Variants in FRMD6 observed in about 807,000 individuals in gnomAD.
FRMD6 encodes the protein FERM domain containing 6, also known as FERM domain-containing protein 6.
In FRMD6, 37 loss-of-function variants were observed where a neutral mutation model predicts 73.2. The ratio of observed to expected loss-of-function variants is 0.51; its 90% CI spans 0.39 to 0.66. The LOEUF (loss-of-function observed/expected upper bound fraction) is 0.66. Among genes scored for constraint, FRMD6 ranks in the 30% least tolerant of loss-of-function variants. The probability of loss-of-function intolerance (pLI) is 0.00; values close to 1 mark genes in which losing one functional copy is unlikely to be tolerated. For missense variants in FRMD6, 714 were observed against 780.5 expected (o/e 0.91, Z 1.02); for synonymous variants, 273 against 282.2 (o/e 0.97, Z 0.33).
At chr14:51,630,671 CAGG>C in intron 2 of FRMD6, among the ~76,000 whole-genome samples, 1 of 152,178 alleles carries the variant, frequency 6.6e-6, no homozygotes, top group East Asian at 1.9e-4. Flanking sequence ...CATTTGAGCC[CAGG>C]AGGTCAAGGC....
intron 1 of FRMD6, among the ~76,000 whole-genome samples, chr14:51,564,479 A>G (rs1887667541): frequency 6.6e-6 from 1 of 152,188 alleles, no homozygotes; most frequent in Non-Finnish European, 1.5e-5. Context: ...AGCGACCTGA[A>G]GGGACCCAGG....
At chr14:51,536,898 G>T (rs1003561536) in intron 1 of FRMD6, among the ~76,000 whole-genome samples, 1 of 152,028 alleles carries the variant, frequency 6.6e-6, no homozygotes, top group Admixed American at 6.6e-5. Flanking sequence ...GCAGCTTTAG[G>T]TTCACAGGAA....
chr14:51,657,623 G>A (rs1415176981), intron 1 of FRMD6, among the ~76,000 whole-genome samples: 2 of 152,160 alleles, frequency 1.3e-5, no homozygotes, highest in African/African-American at 4.8e-5. Flanking sequence ...GTAGTTTGAG[G>A]ACAGTACATG....
At chr14:51,458,709 TGGGGTGAGCAAA>T in the FRMD6 span, among the ~76,000 whole-genome samples, 1 of 152,200 alleles carries the variant, frequency 6.6e-6, no homozygotes, top group African/African-American at 2.4e-5. Flanking sequence ...GGACTGGTGT[TGGGGTGAGCAAA>T]GGGTGAATCA....
the FRMD6 span, among the ~76,000 whole-genome samples, chr14:51,478,664 GAATA>G: frequency 6.6e-6 from 1 of 152,098 alleles, no homozygotes; most frequent in Non-Finnish European, 1.5e-5. Flanking sequence ...ATGAAGAATG[GAATA>G]AATAATTATA....
intron 1 of FRMD6, among the ~76,000 whole-genome samples, chr14:51,528,430 C>T (rs1885384930): frequency 1.3e-5 from 2 of 152,120 alleles, no homozygotes. Context: ...GCTTTTTGGG[C>T]TCCCACAACT....
At chr14:51,430,586 T>C in the FRMD6 span, among the ~76,000 whole-genome samples, 1 of 150,504 alleles carries the variant, frequency 6.6e-6, no homozygotes, top group East Asian at 2.0e-4. Context: ...AAACTCTACA[T>C]GCCACAGGGA....
intron 11 of FRMD6, among the ~76,000 whole-genome samples, 196 bp from the exon 12 acceptor site, chr14:51,721,753 A>AGGAAGGAAGGAAGGAGGGAAGGAG (rs1566598530): frequency 9.2e-6 from 1 of 108,706 alleles, no homozygotes; most frequent in Admixed American, 8.8e-5. Flanking sequence ...GAAGGGAGGA[A>AGGAAGGAAGGAAGGAGGGAAGGAG]GGAAGGAGGG....
chr14:51,531,957 G>A (rs1885606220), intron 1 of FRMD6, among the ~76,000 whole-genome samples: 1 of 152,148 alleles, frequency 6.6e-6, no homozygotes, highest in South Asian at 2.1e-4. Context: ...TATTATATCA[G>A]TAAAATTTAT....
chr14:51,691,512 A>G (rs1895563129), intron 2 of FRMD6, among the ~76,000 whole-genome samples: 1 of 151,994 alleles, frequency 6.6e-6, no homozygotes, highest in African/African-American at 2.4e-5. Context: ...GAATTAGAGG[A>G]AAAAATTGCC....
chr14:51,469,388 C>A, the FRMD6 span, among the ~76,000 whole-genome samples: 2 of 149,870 alleles, frequency 1.3e-5, no homozygotes, highest in Non-Finnish European at 3.0e-5. Flanking sequence ...CCGAGGCGGG[C>A]GGATCACGAG....
chr14:51,721,289 A>G (rs1284202157), intron 11 of FRMD6, among the ~76,000 whole-genome samples: 1 of 152,202 alleles, frequency 6.6e-6, no homozygotes, highest in East Asian at 1.9e-4. Context: ...GTATTAAAAC[A>G]CATATAGGTA....
At chr14:51,601,652 A>G (rs1409138495) in intron 2 of FRMD6, among the ~76,000 whole-genome samples, 1 of 152,214 alleles carries the variant, frequency 6.6e-6, no homozygotes, top group African/African-American at 2.4e-5. Flanking sequence ...TTTATGCACA[A>G]GTAAAACCAT....
chr14:51,413,847 C>T, the FRMD6 span, among the ~76,000 whole-genome samples: 1 of 152,184 alleles, frequency 6.6e-6, no homozygotes, highest in Non-Finnish European at 1.5e-5. Context: ...TAATGATCGC[C>T]ATTCTAACTG....
intron 2 of FRMD6, among the ~76,000 whole-genome samples, chr14:51,631,745 C>G (rs751464577): frequency 2.0e-5 from 3 of 152,168 alleles, no homozygotes; most frequent in Non-Finnish European, 4.4e-5. Flanking sequence ...GTAGATTTTA[C>G]TCAGCTCGTA....
At chr14:51,436,384 T>A in the FRMD6 span, 1 of 450,484 alleles carries the variant, frequency 2.2e-6, no homozygotes. Flanking sequence ...GAAGAGGCAG[T>A]GCATTACTTG....
At chr14:51,646,114 C>T (rs180868571) in intron 2 of FRMD6, among the ~76,000 whole-genome samples, 138 of 151,702 alleles carry the variant, frequency 9.1e-4, no homozygotes, top group Non-Finnish European at 1.1e-3. Flanking sequence ...GTCAGGAGAT[C>T]GACACAATCC....
At chr14:51,560,526 C>T (rs531221666) in intron 1 of FRMD6, among the ~76,000 whole-genome samples, 2 of 152,236 alleles carry the variant, frequency 1.3e-5, no homozygotes, top group East Asian at 3.9e-4. Context: ...CTCTTGTTGC[C>T]CAGGCTGGTG....
intron 6 of FRMD6, among the ~76,000 whole-genome samples, chr14:51,705,586 T>TGAGAAAGAAAGTGGGGA (rs1896578887): frequency 6.6e-6 from 1 of 152,120 alleles, no homozygotes; most frequent in African/African-American, 2.4e-5. Flanking sequence ...CACCCATCCT[T>TGAGAAAGAAAGTGGGGA]GAGAAAGAAA....
Sources: gnomAD v4.1 joint callset for allele counts (sites outside exome capture counted in the v4.1 genomes callset) on GRCh38, gnomAD v4.1.1 for gene constraint, MANE v1.5 for transcripts, NCBI Gene and HGNC (gene_info 2026-07-23, HGNC 2026-07-21) for gene names.